The following OXR1 variants were observed in gnomAD, a reference collection of about 807,000 sequenced individuals.
OXR1 encodes oxidation resistance 1.
In OXR1, 41 loss-of-function variants were observed where a neutral mutation model predicts 104.6. The ratio of observed to expected loss-of-function variants is 0.39; its 90% CI spans 0.31 to 0.51. The LOEUF (loss-of-function observed/expected upper bound fraction) is 0.51. Among genes scored for constraint, OXR1 ranks in the 20% least tolerant of loss-of-function variants. The pLI, the probability that OXR1 is intolerant of heterozygous loss-of-function variation, is 0.77. For missense variants in OXR1, 955 were observed against 1,031.9 expected (o/e 0.93, Z 1.02); for synonymous variants, 348 against 348.4 (o/e 1.00, Z 0.01).
intron 1 of OXR1, among the ~76,000 whole-genome samples, chr8:106,322,272 A>C (rs1468828669): frequency 6.6e-6 from 1 of 152,208 alleles, no homozygotes; most frequent in Non-Finnish European, 1.5e-5. Context: ...GTGATTCATC[A>C]CATAAATCGA....
At chr8:106,505,558 C>T (rs925167884) in intron 2 of OXR1, among the ~76,000 whole-genome samples, 1 of 152,006 alleles carries the variant, frequency 6.6e-6, no homozygotes, top group African/African-American at 2.4e-5. Flanking sequence ...TAAAGAGTAA[C>T]CTGGGGTGAA....
chr8:106,418,489 T>C (rs977197371), intron 2 of OXR1, among the ~76,000 whole-genome samples: 1 of 151,600 alleles, frequency 6.6e-6, no homozygotes, highest in Non-Finnish European at 1.5e-5. Context: ...AAATGTCTGA[T>C]TTTTTTTAAT....
At chr8:106,555,931 CATAT>C (rs59310978) in intron 3 of OXR1, among the ~76,000 whole-genome samples, 1 of 145,916 alleles carries the variant, frequency 6.9e-6, no homozygotes, top group Non-Finnish European at 1.5e-5. Context: ...TATATATGTA[CATAT>C]ATATATATAT....
intron 3 of OXR1, among the ~76,000 whole-genome samples, chr8:106,565,657 G>A (rs1280411200): frequency 6.6e-6 from 1 of 152,062 alleles, no homozygotes; most frequent in East Asian, 1.9e-4. Context: ...CCAAAAAAGA[G>A]CCTGTATAGC....
At chr8:106,702,764 T>C in intron 7 of OXR1, 142 bp from the exon 8 acceptor site, 3 of 573,984 alleles carry the variant, frequency 5.2e-6, no homozygotes, top group East Asian at 2.9e-5. Flanking sequence ...TTAATAAAAA[T>C]GGTTTCATGA....
At chr8:106,442,399 G>A (rs558691345) in intron 2 of OXR1, among the ~76,000 whole-genome samples, 15 of 152,148 alleles carry the variant, frequency 9.9e-5, no homozygotes, top group African/African-American at 3.6e-4. Context: ...GTCTCTTCCC[G>A]GTTTTGGTGT....
intron 2 of OXR1, among the ~76,000 whole-genome samples, chr8:106,390,730 T>G (rs1391122430): frequency 2.0e-5 from 3 of 152,214 alleles, no homozygotes; most frequent in South Asian, 2.1e-4. Flanking sequence ...GATGTTAATT[T>G]GGTAATGGTA....
At chr8:106,735,200 T>A (rs1403837517) in intron 11 of OXR1, among the ~76,000 whole-genome samples, 1 of 151,892 alleles carries the variant, frequency 6.6e-6, no homozygotes, top group African/African-American at 2.4e-5. Context: ...CTTTTTTCTA[T>A]TAACTCACAG....
Position 106,713,884 on chromosome 8 carries a change from G to T in OXR1, c.1855G>T (p.Gly619Cys), listed in dbSNP as rs764256682. 9 of 1,591,976 alleles carry T rather than the reference G, an allele frequency of 5.7e-6. No homozygotes were observed. The South Asian group carries it at 1.0e-4, about 18-fold the overall frequency. The part of the protein sequence containing the change: ...WSPEIYAEDT[G>C]EYTREPGFIV... ...TCCAGAAATATATGCAGAAGATACT[G>T]GCGAATATACCAGAGAACCTGGATT... Residue 619 changes from glycine (G) to cysteine (C), a missense_variant, in exon 11 of 17, where the codon GGC becomes TGC. By Grantham distance (159) the Gly-to-Cys change is radical (BLOSUM62 -3). This residue lies in a region of OXR1 where 849 missense variants were observed against 852.9 expected (regional missense o/e 1.00). Coordinates refer to ENST00000517566, the MANE Select transcript of OXR1 (RefSeq NM_001198533.2).
chr8:106,442,236 A>C (rs1375592981), intron 2 of OXR1, among the ~76,000 whole-genome samples: 1 of 152,108 alleles, frequency 6.6e-6, no homozygotes, highest in Non-Finnish European at 1.5e-5. Context: ...CATATGTTGA[A>C]CCAGCCTTGC....
chr8:106,406,364 T>TAA (rs930619812), intron 2 of OXR1, among the ~76,000 whole-genome samples: 3 of 152,146 alleles, frequency 2.0e-5, no homozygotes, highest in East Asian at 1.9e-4. Context: ...TATATATATA[T>TAA]AACTATGTTT....
At chr8:106,389,760 T>C (rs1204317483) in intron 2 of OXR1, among the ~76,000 whole-genome samples, 1 of 152,168 alleles carries the variant, frequency 6.6e-6, no homozygotes, top group African/African-American at 2.4e-5. Context: ...CATTTGCTCT[T>C]GGATTTTAAA....
At chr8:106,449,128 A>G (rs1379230916) in intron 2 of OXR1, among the ~76,000 whole-genome samples, 1 of 152,132 alleles carries the variant, frequency 6.6e-6, no homozygotes, top group Non-Finnish European at 1.5e-5. Context: ...CTTAATTTAA[A>G]AAATATAAAT....
At chr8:106,559,702 T>C (rs1816538651) in intron 3 of OXR1, among the ~76,000 whole-genome samples, 1 of 152,138 alleles carries the variant, frequency 6.6e-6, no homozygotes, top group Non-Finnish European at 1.5e-5. Context: ...GTGGGTCCTT[T>C]TTGCTGTATC....
At chr8:106,397,144 G>A (rs1042118299) in intron 2 of OXR1, among the ~76,000 whole-genome samples, 2 of 152,054 alleles carry the variant, frequency 1.3e-5, no homozygotes, top group Non-Finnish European at 2.9e-5. Flanking sequence ...AAGAAGAGTG[G>A]CAAGGAGATT....
chr8:106,561,142 T>A (rs1356057394), intron 3 of OXR1, among the ~76,000 whole-genome samples: 1 of 151,674 alleles, frequency 6.6e-6, no homozygotes, highest in Non-Finnish European at 1.5e-5. Flanking sequence ...CAGAGGCGCC[T>A]AGAACACCTC....
chr8:106,645,176 C>T (rs1196085739), intron 3 of OXR1, among the ~76,000 whole-genome samples: 4 of 152,198 alleles, frequency 2.6e-5, no homozygotes, highest in East Asian at 3.8e-4. Flanking sequence ...AGAACTAGCT[C>T]AATCTGAGGG....
chr8:106,720,362 C>T (rs983662268), intron 11 of OXR1, among the ~76,000 whole-genome samples: 2 of 152,046 alleles, frequency 1.3e-5, no homozygotes, highest in Admixed American at 6.6e-5. Context: ...AGTCAAGGTG[C>T]GAAAACTAGT....
chr8:106,722,307 C>G (rs987389325), intron 11 of OXR1, among the ~76,000 whole-genome samples: 1 of 151,826 alleles, frequency 6.6e-6, no homozygotes, highest in Admixed American at 6.6e-5. Context: ...TCACATTTCT[C>G]AGATAAAGGG....
Sources: allele counts gnomAD v4.1 joint callset (sites outside exome capture counted in the v4.1 genomes callset), GRCh38; gene constraint gnomAD v4.1.1; regional missense constraint gnomAD v4.1.1; transcripts MANE v1.5; gene names NCBI Gene and HGNC (gene_info 2026-07-23, HGNC 2026-07-21).